PDE4C: variants seen among roughly 807,000 people sequenced by gnomAD.
PDE4C encodes the protein phosphodiesterase 4C.
PDE4C carries 50 observed loss-of-function variants against 63.9 expected under a neutral mutation model. That is an observed-to-expected ratio of 0.78 (90% CI 0.62 to 0.99). PDE4C has a LOEUF of 0.99. Among genes scored for constraint, PDE4C ranks in the 50% least tolerant of loss-of-function variants. The pLI is 0.00. For missense variants in PDE4C, 777 were observed against 899.1 expected (o/e 0.86, Z 1.74); for synonymous variants, 377 against 385.1 (o/e 0.98, Z 0.25).
At chr19:18,244,589 C>T (rs1012827709) in intron 1 of PDE4C, among the ~76,000 whole-genome samples, 6 of 151,604 alleles carry the variant, frequency 4.0e-5, no homozygotes, top group East Asian at 3.9e-4. Flanking sequence ...CTTGGCTCAC[C>T]GCAACCTCCG....
chr19:18,216,872 T>G, exon 12 of PDE4C: 1 of 1,613,746 alleles, frequency 6.2e-7, no homozygotes, highest in Non-Finnish European at 8.5e-7. Context: ...GAGGCGTCGT[T>G]GTACATAAGC....
At chr19:18,250,327 C>T (rs1476350953), upstream of PDE4C, 7 of 399,024 alleles carry the variant, frequency 1.8e-5, no homozygotes, top group Non-Finnish European at 3.1e-5. Context: ...ACACCTCGTC[C>T]AGGTTCTCAA....
intron 2 of PDE4C, among the ~76,000 whole-genome samples, 164 bp from the exon 3 acceptor site, chr19:18,221,461 G>A (rs1024657550): frequency 1.3e-5 from 2 of 152,076 alleles, no homozygotes; most frequent in Non-Finnish European, 2.9e-5. Context: ...ACCCAGCACA[G>A]CCCCTCCAAC....
upstream of PDE4C, among the ~76,000 whole-genome samples, chr19:18,237,516 A>C (rs1472207156): frequency 6.6e-6 from 1 of 151,398 alleles, no homozygotes; most frequent in Non-Finnish European, 1.5e-5. Flanking sequence ...ATGCCATTGC[A>C]CTCCAGCCTG....
chr19:18,235,233 C>T (rs565901024), upstream of PDE4C, among the ~76,000 whole-genome samples: 5 of 152,226 alleles, frequency 3.3e-5, no homozygotes, highest in South Asian at 4.2e-4. Context: ...TGTAATGGTG[C>T]GATCTTGGCT....
chr19:18,236,656 G>C (rs1262095526), upstream of PDE4C, among the ~76,000 whole-genome samples: 1 of 152,188 alleles, frequency 6.6e-6, no homozygotes. Context: ...GTCTCTGCCT[G>C]GTATGATCTG....
chr19:18,220,806 G>A lies in PDE4C; in HGVS notation c.499+68C>T, dbSNP rs1968433646. On this transcript the variant is annotated intron_variant, in intron 5 of 14. Coordinates refer to ENST00000262805, the Ensembl canonical transcript of PDE4C. This position sits in a 1 kb window ranked among gnomAD's most constrained non-coding sequence, Gnocchi z 5.1. ...CCCAGTATAAGGGGCTCATGGACTG[G>A]GGAGGTCACTATGGAAAGGAAGCTC... 6.9e-7 allele frequency: 1 copy of A among 1,459,212 alleles called. No individual in the cohort carries two copies. 90.4% of individuals were successfully genotyped at this position (1,459,212 alleles called of 1,614,324 possible). A position where few individuals can be genotyped will look rare whatever the true frequency, so the allele number is the denominator to read the frequency against.
At chr19:18,221,082 G>T (rs763648700) in intron 4 of PDE4C, 23 bp downstream of exon 4, 1 of 844,318 alleles carries the variant, frequency 1.2e-6, no homozygotes, top group Non-Finnish European at 1.6e-6. Flanking sequence ...CCCCGCCCCC[G>T]CCCCGCCCCG....
At chr19:18,247,200 G>C (rs1027476860) in intron 1 of PDE4C, among the ~76,000 whole-genome samples, 1 of 152,228 alleles carries the variant, frequency 6.6e-6, no homozygotes, top group African/African-American at 2.4e-5. Flanking sequence ...CCACAGCCCT[G>C]GGCTGGACAG....
exon 14 of PDE4C, chr19:18,211,781 G>A (rs755896777): frequency 1.9e-5 from 30 of 1,614,092 alleles, no homozygotes; most frequent in South Asian, 4.4e-5. Context: ...CACTGAGGCC[G>A]TATGCTTGTC....
exon 1 of PDE4C, chr19:18,233,259 GTC>G: frequency 6.5e-7 from 1 of 1,537,788 alleles, no homozygotes; most frequent in Non-Finnish European, 8.7e-7. Flanking sequence ...GCCGAGGAGC[GTC>G]TGCTCCCGGG....
At chr19:18,222,084 G>A (rs1362093595) in intron 2 of PDE4C, 48 bp downstream of exon 2, 3 of 1,505,590 alleles carry the variant, frequency 2.0e-6, no homozygotes, top group Non-Finnish European at 2.7e-6. Context: ...AGGAACAAAG[G>A]AAGGAGGGAG....
intron 7 of PDE4C, 192 bp from the exon 8 acceptor site, chr19:18,219,589 C>T (rs563257390): frequency 4.1e-5 from 25 of 607,308 alleles, no homozygotes; most frequent in African/African-American, 3.7e-4. Flanking sequence ...TTTGGGAGGT[C>T]GAGGTGGGCA....
chr19:18,214,206 C>T (rs1037215863), intron 12 of PDE4C, among the ~76,000 whole-genome samples: 7 of 150,214 alleles, frequency 4.7e-5, no homozygotes, highest in African/African-American at 1.2e-4. Context: ...TGCAGGGAGC[C>T]GAGATCCTGC....
At chr19:18,222,697 T>TCTC (rs1968544467) in intron 1 of PDE4C, among the ~76,000 whole-genome samples, 1 of 96,804 alleles carries the variant, frequency 1.0e-5, no homozygotes, top group Non-Finnish European at 2.3e-5. Flanking sequence ...CGCCCTTTCT[T>TCTC]TTCTTTTTTT....
At chr19:18,211,144 G>A in exon 15 of PDE4C, 1 of 1,614,138 alleles carries the variant, frequency 6.2e-7, no homozygotes, top group Non-Finnish European at 8.5e-7. Flanking sequence ...AGGTCTGAGG[G>A]ACTTCGGGGG....
At chr19:18,247,334 C>T (rs960370911) in intron 1 of PDE4C, among the ~76,000 whole-genome samples, 1 of 151,990 alleles carries the variant, frequency 6.6e-6, no homozygotes, top group Non-Finnish European at 1.5e-5. Flanking sequence ...CTCACTCTGT[C>T]TCCCAGGCTG....
chr19:18,211,892 G>A lies in PDE4C; in HGVS notation c.1562C>T (p.Pro521Leu), dbSNP rs149614671. The change falls in exon 14 of 15, where the codon CCG becomes CTG. Residue 521 changes from proline (P) to leucine (L), a missense_variant. Around this residue, in one of 3 missense-constraint regions of PDE4C, gnomAD observed 500 missense variants for 597.8 expected, o/e 0.84. Transcript: ENST00000262805. ...CGTCCACTGGCGGTACAGGGGCAGC[G>A]GCTTGGTGGGGTTGCTCAGATCAGC... The A allele has an allele frequency of 5.2e-4, 841 of 1,614,090 alleles. 1 individual carries two copies. Among genetic ancestry groups the A allele is most frequent in the Non-Finnish European group, 6.5e-4 (767 of 1,180,050 alleles).
rs549395251 is a variant in PDE4C at position 18,246,349 on chromosome 19, AT to A, written c.-210+1821del. ...CAGGCGTACACCACCATGACTGGCT[AT>A]TTTTTTTTTTTTAATAGAGATAGGG... On this transcript the variant is annotated intron_variant, in intron 1 of 15. Coordinates refer to the PDE4C transcript ENST00000594617. Among the ~76,000 whole-genome samples the A allele has an allele frequency of 3.0e-3, 378 of 127,556 alleles. 1 individual carries two copies. Among genetic ancestry groups the A allele is most frequent in the Middle Eastern group, 4.4e-3 (1 of 228 alleles). The allele number at this position is 127,556 out of a possible 152,430, so 83.7% of individuals were successfully genotyped here. A position where few individuals can be genotyped will look rare whatever the true frequency, so the allele number is the denominator to read the frequency against.
Sources: allele counts gnomAD v4.1 joint callset (sites outside exome capture counted in the v4.1 genomes callset), GRCh38; gene constraint gnomAD v4.1.1; regional missense constraint gnomAD v4.1.1; non-coding constraint Gnocchi (gnomAD v3.1); transcripts MANE v1.5; gene names NCBI Gene and HGNC (gene_info 2026-07-23, HGNC 2026-07-21).